PTPRG: variants seen among roughly 807,000 people sequenced by gnomAD.
The protein encoded by PTPRG is receptor-type tyrosine-protein phosphatase gamma.
Under a neutral mutation model 165.3 loss-of-function variants are expected in PTPRG, and 102 were observed. The observed-to-expected ratio is 0.62, with a 90% CI of 0.53 to 0.73. The LOEUF (loss-of-function observed/expected upper bound fraction) is 0.73. Among genes scored for constraint, PTPRG ranks in the 30% least tolerant of loss-of-function variants. The probability of loss-of-function intolerance (pLI) is 0.00; values close to 1 mark genes in which losing one functional copy is unlikely to be tolerated. For synonymous variants in PTPRG, 675 were observed against 669.5 expected, an observed-to-expected ratio of 1.01 and a Z score of -0.13; for missense variants, 1,866 against 1,861.4, an observed-to-expected ratio of 1.00 and a Z score of -0.05.
At chr3:61,870,777 G>A (rs1207542958) in intron 2 of PTPRG, among the ~76,000 whole-genome samples, 1 of 151,824 alleles carries the variant, frequency 6.6e-6, no homozygotes, top group Admixed American at 6.6e-5. Flanking sequence ...AAGTTCTATT[G>A]AAATGTTGAA....
intron 1 of PTPRG, among the ~76,000 whole-genome samples, chr3:61,687,470 T>TA (rs1703669999): frequency 1.3e-5 from 2 of 152,236 alleles, no homozygotes; most frequent in African/African-American, 4.8e-5. Flanking sequence ...GGCTGTACAT[T>TA]AAGAGACCTG....
intron 18 of PTPRG, 85 bp from the exon 19 acceptor site, chr3:62,267,600 C>A (rs1171541437): frequency 3.2e-5 from 49 of 1,538,120 alleles, no homozygotes; most frequent in Admixed American, 9.4e-5. Flanking sequence ...AAACAAAGCC[C>A]ATTCAATATG....
chr3:61,962,636 A>C (rs1452289439), intron 2 of PTPRG, among the ~76,000 whole-genome samples: 1 of 152,216 alleles, frequency 6.6e-6, no homozygotes, highest in Non-Finnish European at 1.5e-5. Flanking sequence ...GTATTTATTG[A>C]GTAATCAATA....
chr3:61,817,032 G>GTATATAA (rs551480459), intron 2 of PTPRG, among the ~76,000 whole-genome samples: 14,786 of 126,510 alleles, frequency 0.12, 1,094 homozygotes, highest in Non-Finnish European at 0.17. Flanking sequence ...ATAATATATA[G>GTATATAA]TATATAATAT....
chr3:62,199,894 A>G (rs567959295), intron 10 of PTPRG, among the ~76,000 whole-genome samples: 4 of 152,352 alleles, frequency 2.6e-5, no homozygotes, highest in Admixed American at 2.0e-4. Context: ...TGTGCTATAT[A>G]CACACAATGG....
chr3:61,944,519 T>G (rs2039708153), intron 2 of PTPRG, among the ~76,000 whole-genome samples: 1 of 152,150 alleles, frequency 6.6e-6, no homozygotes, highest in Non-Finnish European at 1.5e-5. Flanking sequence ...TAAGTCCCTC[T>G]CAGTTTGAAG....
intron 1 of PTPRG, among the ~76,000 whole-genome samples, chr3:61,638,618 T>G (rs12152418): frequency 0.32 from 37,596 of 115,806 alleles, 6,195 homozygotes; most frequent in Non-Finnish European, 0.38. Flanking sequence ...TTTTTTTTTT[T>G]GGGGTAGAGG....
intron 7 of PTPRG, among the ~76,000 whole-genome samples, chr3:62,164,091 A>T (rs890962910): frequency 1.3e-5 from 2 of 152,356 alleles, no homozygotes; most frequent in Non-Finnish European, 2.9e-5. Flanking sequence ...CAGATTACGG[A>T]CCAAACATCG....
intron 1 of PTPRG, among the ~76,000 whole-genome samples, chr3:61,704,511 T>C (rs2031147643): frequency 2.0e-5 from 3 of 152,212 alleles, no homozygotes; most frequent in Middle Eastern, 3.4e-3. Context: ...ACTAGATAGC[T>C]CCAGTGTGGT....
intron 1 of PTPRG, among the ~76,000 whole-genome samples, chr3:61,683,630 C>T (rs566684269): frequency 9.9e-5 from 15 of 152,284 alleles, no homozygotes; most frequent in African/African-American, 3.4e-4. Context: ...GAATTGTTTT[C>T]CTTTTCATGG....
chr3:61,957,702 G>A (rs901919011), intron 2 of PTPRG, among the ~76,000 whole-genome samples: 3 of 152,226 alleles, frequency 2.0e-5, no homozygotes, highest in Non-Finnish European at 2.9e-5. Context: ...TAGTCCTGGA[G>A]TGACTGGTCA....
chr3:61,879,785 T>A (rs890065762), intron 2 of PTPRG, among the ~76,000 whole-genome samples: 11 of 152,226 alleles, frequency 7.2e-5, no homozygotes, highest in African/African-American at 2.4e-4. Context: ...GAGTGGACAT[T>A]CTTGCTTTCC....
In PTPRG at chr3:62,164,202, A is replaced by G. The variant is rs182989631; in HGVS notation, c.841-3769A>G. Among the ~76,000 whole-genome samples the G allele has an allele frequency of 2.3e-4, 35 of 152,238 alleles. No homozygotes were observed. In the East Asian group the frequency reaches 6.2e-3, roughly 27 times the overall value. ...GCACAACTCTAGGGGACACTTTCTC[A>G]TGGTGGGCTTATGGCACCTTTTGGA... is the stretch of plus-strand genomic sequence containing the variant. On this transcript the variant is annotated intron_variant, in intron 7 of 29. Coordinates refer to ENST00000474889, the MANE Select transcript of PTPRG (RefSeq NM_002841.4).
At chr3:61,580,139 C>T (rs1462944770) in intron 1 of PTPRG, among the ~76,000 whole-genome samples, 1 of 152,064 alleles carries the variant, frequency 6.6e-6, no homozygotes, top group Non-Finnish European at 1.5e-5. Flanking sequence ...AGTAAAGCTC[C>T]TGGGGAGTCC....
intron 1 of PTPRG, among the ~76,000 whole-genome samples, chr3:61,730,029 G>T (rs189553065): frequency 6.6e-6 from 1 of 152,288 alleles, no homozygotes; most frequent in African/African-American, 2.4e-5. Context: ...ATGATAGTGC[G>T]TCTTATTTTG....
intron 5 of PTPRG, among the ~76,000 whole-genome samples, chr3:62,127,701 G>A (rs1434977546): frequency 6.6e-6 from 1 of 152,218 alleles, no homozygotes; most frequent in Non-Finnish European, 1.5e-5. Context: ...AGATGGCCAG[G>A]ACTTGATAGA....
At chr3:62,079,584 G>A (rs1268216209) in intron 5 of PTPRG, among the ~76,000 whole-genome samples, 5 of 152,200 alleles carry the variant, frequency 3.3e-5, no homozygotes, top group East Asian at 1.9e-4. Context: ...ATTGCTTACT[G>A]TGGGTCGTGG....
chr3:61,952,611 GT>G (rs1351794668), intron 2 of PTPRG, among the ~76,000 whole-genome samples: 1 of 152,128 alleles, frequency 6.6e-6, no homozygotes, highest in Non-Finnish European at 1.5e-5. Flanking sequence ...TGACGCCGGA[GT>G]TCTCAGGACA....
chr3:61,891,994 T>C (rs537872582), intron 2 of PTPRG, among the ~76,000 whole-genome samples: 41 of 152,344 alleles, frequency 2.7e-4, no homozygotes, highest in Middle Eastern at 3.4e-3. Flanking sequence ...GCTGCCTTTA[T>C]GAAAATAATA....
Sources: gnomAD v4.1 joint callset for allele counts (sites outside exome capture counted in the v4.1 genomes callset) on GRCh38, gnomAD v4.1.1 for gene constraint, MANE v1.5 for transcripts, NCBI Gene and HGNC (gene_info 2026-07-23, HGNC 2026-07-21) for gene names.